Variants in CHLSN observed in about 807,000 individuals in gnomAD.
CHLSN encodes the protein protein cholesin.
the CHLSN span, among the ~76,000 whole-genome samples, chr7:1,022,755 C>T: frequency 6.6e-6 from 1 of 152,174 alleles, no homozygotes; most frequent in Admixed American, 6.5e-5. Context: ...CCCCCCCAAC[C>T]GTCCTCCCTC....
the CHLSN span, among the ~76,000 whole-genome samples, chr7:1,131,685 G>A: frequency 6.6e-6 from 1 of 152,184 alleles, no homozygotes; most frequent in African/African-American, 2.4e-5. Context: ...ATTACCTTGT[G>A]AGAGAAATAA....
the CHLSN span, among the ~76,000 whole-genome samples, chr7:1,070,561 TGCACACACGCAAACAC>T: frequency 7.5e-6 from 1 of 133,922 alleles, no homozygotes; most frequent in South Asian, 2.5e-4. Flanking sequence ...CGCACACACG[TGCACACACGCAAACAC>T]GCACACACGG....
the CHLSN span, among the ~76,000 whole-genome samples, chr7:1,079,215 G>A: frequency 2.0e-5 from 3 of 152,212 alleles, no homozygotes; most frequent in East Asian, 3.8e-4. Flanking sequence ...GCTGACATCC[G>A]CAGGCCACAG....
chr7:1,088,741 G>T, the CHLSN span, among the ~76,000 whole-genome samples: 2 of 152,316 alleles, frequency 1.3e-5, no homozygotes, highest in South Asian at 4.1e-4. The surrounding 1 kb of genome is among the most constrained non-coding windows in gnomAD (Gnocchi z 4.5). Context: ...GCTGACTAAA[G>T]TGTGGCTTTA....
the CHLSN span, among the ~76,000 whole-genome samples, chr7:1,136,041 T>C: frequency 1.7e-5 from 2 of 116,252 alleles, no homozygotes; most frequent in Non-Finnish European, 3.2e-5. Context: ...TATGTATAAA[T>C]ATATAAGTAT....
chr7:1,101,386 A>T, the CHLSN span, among the ~76,000 whole-genome samples: 1 of 152,192 alleles, frequency 6.6e-6, no homozygotes, highest in Non-Finnish European at 1.5e-5. Context: ...GAGTCCCCAG[A>T]GGGGCCCAGC....
the CHLSN span, among the ~76,000 whole-genome samples, chr7:1,013,000 A>C: frequency 6.6e-6 from 1 of 152,218 alleles, no homozygotes; most frequent in African/African-American, 2.4e-5. Context: ...GGGAGGCAGC[A>C]GGTCCAGGCA....
chr7:1,069,221 C>T, the CHLSN span, among the ~76,000 whole-genome samples: 1 of 152,176 alleles, frequency 6.6e-6, no homozygotes, highest in South Asian at 2.1e-4. Context: ...ATCCCAGCTA[C>T]GAAGAAGGCT....
the CHLSN span, among the ~76,000 whole-genome samples, chr7:1,075,357 A>T: frequency 6.6e-6 from 1 of 151,892 alleles, no homozygotes; most frequent in Non-Finnish European, 1.5e-5. Flanking sequence ...CTAAACATAC[A>T]AAAATTAGCC....
the CHLSN span, among the ~76,000 whole-genome samples, chr7:1,002,634 TGGGTGGGGAGTCCTGC>T: frequency 1.3e-4 from 14 of 110,490 alleles, no homozygotes; most frequent in Non-Finnish European, 1.7e-4. Flanking sequence ...GGGAGTCCTG[TGGGTGGGGAGTCCTGC>T]GGGTGAGTGG....
the CHLSN span, among the ~76,000 whole-genome samples, chr7:1,102,083 G>A: frequency 6.6e-6 from 1 of 152,250 alleles, no homozygotes; most frequent in South Asian, 2.1e-4. Context: ...ACCTGGCTTT[G>A]GGGCACGTGC....
chr7:1,049,874 G>C, the CHLSN span, among the ~76,000 whole-genome samples: 14 of 152,230 alleles, frequency 9.2e-5, no homozygotes, highest in Admixed American at 9.2e-4. Context: ...GCCCTGGGCA[G>C]GGACAGCTGA....
the CHLSN span, among the ~76,000 whole-genome samples, chr7:1,013,594 G>A: frequency 1.3e-5 from 2 of 152,228 alleles, no homozygotes; most frequent in South Asian, 4.1e-4. Context: ...TTCTGGGAGA[G>A]GTGTTGTGGG....
the CHLSN span, among the ~76,000 whole-genome samples, chr7:1,076,677 G>C: frequency 6.6e-6 from 1 of 152,252 alleles, no homozygotes; most frequent in Non-Finnish European, 1.5e-5. Flanking sequence ...CTGAATTAAT[G>C]TCCAAGATCT....
chr7:1,022,631 A>G, the CHLSN span, among the ~76,000 whole-genome samples: 1,145 of 152,316 alleles, frequency 7.5e-3, 19 homozygotes, highest in African/African-American at 0.026. Flanking sequence ...CTGAAATGAC[A>G]GTCCCACAAC....
At chr7:1,104,159 G>A in the CHLSN span, among the ~76,000 whole-genome samples, 2 of 152,250 alleles carry the variant, frequency 1.3e-5, no homozygotes, top group African/African-American at 2.4e-5. Context: ...GTCCTGAACC[G>A]TGGGCAGGGC....
the CHLSN span, chr7:988,753 C>A: frequency 6.3e-7 from 1 of 1,599,186 alleles, no homozygotes. Flanking sequence ...CCTCCCTGGA[C>A]ACCACGCCCG....
chr7:1,028,346 G>A, the CHLSN span: 110 of 1,016,922 alleles, frequency 1.1e-4, no homozygotes, highest in Non-Finnish European at 1.2e-4. Flanking sequence ...CGCGCCTCCA[G>A]CAGCCTCAGC....
At chr7:1,016,756 C>T in the CHLSN span, among the ~76,000 whole-genome samples, 8 of 107,272 alleles carry the variant, frequency 7.5e-5, no homozygotes, top group South Asian at 2.6e-4. Context: ...CAGCAGCACA[C>T]GCCAGCGCAC....
Sources: allele counts gnomAD v4.1 joint callset (sites outside exome capture counted in the v4.1 genomes callset), GRCh38; gene constraint gnomAD v4.1.1; non-coding constraint Gnocchi (gnomAD v3.1); transcripts MANE v1.5; gene names NCBI Gene and HGNC (gene_info 2026-07-23, HGNC 2026-07-21).